NCR3LG1: variants seen among roughly 807,000 people sequenced by gnomAD.
NCR3LG1 encodes the protein natural killer cell cytotoxicity receptor 3 ligand 1.
A neutral mutation model predicts 34.8 loss-of-function variants in NCR3LG1; 35 were observed. The ratio of observed to expected loss-of-function variants is 1.01; its 90% CI spans 0.77 to 1.33. The LOEUF is 1.33. Among genes scored for constraint, NCR3LG1 ranks in the 40% most tolerant of loss-of-function variants. The probability of loss-of-function intolerance (pLI) is 0.00; values close to 1 mark genes in which losing one functional copy is unlikely to be tolerated. For missense variants in NCR3LG1, 452 were observed against 423.3 expected, an observed-to-expected ratio of 1.07 and a Z score of -0.60; for synonymous variants, 173 against 163.6, an observed-to-expected ratio of 1.06 and a Z score of -0.44.
At chr11:17,380,349 G>C (rs921298131), downstream of NCR3LG1, among the ~76,000 whole-genome samples, 10 of 152,122 alleles carry the variant, frequency 6.6e-5, no homozygotes, top group Non-Finnish European at 1.5e-4. Flanking sequence ...GAGGGTGTGG[G>C]TGTGAGCATG....
chr11:17,361,673 C>T (rs1953271190), intron 2 of NCR3LG1, among the ~76,000 whole-genome samples: 1 of 152,180 alleles, frequency 6.6e-6, no homozygotes, highest in African/African-American at 2.4e-5. Context: ...ACTTTGTATC[C>T]TGCAACTTGC....
rs1465046784 is a variant in NCR3LG1 at position 17,367,174 on chromosome 11, C to T, written c.587C>T (p.Thr196Ile). 6.5e-7 allele frequency: 1 copy of T among 1,536,648 alleles called. No individual in the cohort carries two copies. Among genetic ancestry groups the T allele is most frequent in the South Asian group, 1.2e-5 (1 of 84,066 alleles). The change falls in exon 3 of 5, where the codon ACT becomes ATT. Residue 196 changes from threonine to isoleucine, a missense_variant. By Grantham distance (89) the Thr-to-Ile change is moderately conservative. Coordinates refer to ENST00000338965, the MANE Select transcript of NCR3LG1 (RefSeq NM_001202439.3). ...ATAGAGATTTCTGAGGATGTCATCA[C>T]TGGTCCCACCATCAAGAATATGGAT... The part of the protein sequence containing the change: ...HPIEISEDVI[T>I]GPTIKNMDGT...
chr11:17,378,768 G>T (rs141659454), downstream of NCR3LG1, among the ~76,000 whole-genome samples: 2 of 152,302 alleles, frequency 1.3e-5, no homozygotes, highest in East Asian at 3.9e-4. Context: ...CAAAAGAACA[G>T]CTTGAAAAAT....
chr11:17,380,982 T>G (rs1373971881), downstream of NCR3LG1: 2 of 152,222 alleles, frequency 1.3e-5, no homozygotes, highest in Non-Finnish European at 2.9e-5. Context: ...CTACATTATT[T>G]TATTTAAAGT....
rs752073348 is a variant in NCR3LG1 at position 17,372,201 on chromosome 11, G to C, written c.1054G>C (p.Asp352His). Residue 352 changes from aspartate (D) to histidine (H), a missense_variant, in exon 5 of 5, where the codon GAT becomes CAT. Coordinates refer to ENST00000338965, the MANE Select transcript of NCR3LG1 (RefSeq NM_001202439.3). Reference sequence around the variant, plus strand: ...TAATATTAATACTATTCAACAACTAGATGTTTTCTGCAGACAGGAGGGCAA... The same window carrying C: ...TAATATTAATACTATTCAACAACTACATGTTTTCTGCAGACAGGAGGGCAA... ...SVNINTIQQL[D>H]VFCRQEGKWS... 12 of 702,888 alleles carry C rather than the reference G, an allele frequency of 1.7e-5. No homozygotes were observed. The highest frequency in any genetic ancestry group is 3.1e-5 in the Non-Finnish European group (12 of 385,014). 43.5% of individuals were successfully genotyped at this position (702,888 alleles called of 1,614,324 possible). A position where few individuals can be genotyped will look rare whatever the true frequency, so the allele number is the denominator to read the frequency against.
intron 2 of NCR3LG1, among the ~76,000 whole-genome samples, chr11:17,362,813 T>C (rs1414209998): frequency 1.3e-5 from 2 of 148,876 alleles, no homozygotes; most frequent in Admixed American, 6.7e-5. Context: ...TTTCTTTCTT[T>C]CTTTCTTCCT....
chr11:17,355,951 C>G (rs1405902097), intron 1 of NCR3LG1, among the ~76,000 whole-genome samples: 1 of 151,984 alleles, frequency 6.6e-6, no homozygotes, highest in Non-Finnish European at 1.5e-5. Context: ...GTGCTAACCA[C>G]CATGCTGGGC....
chr11:17,376,500 C>G lies in NCR3LG1; in HGVS notation c.*3988C>G, dbSNP rs118096785. ...TGCTGGGTCTGTCCTGAGCGGTTTG[C>G]TCAGTTCAGTAACACTAAGGAACCT... On this transcript the variant is annotated 3_prime_UTR_variant, in exon 5 of 5. Coordinates refer to ENST00000338965, the MANE Select transcript of NCR3LG1 (RefSeq NM_001202439.3). The G allele has an allele frequency of 0.06, 9,081 of 152,284 alleles. 288 individuals are homozygous for G. Among genetic ancestry groups the G allele is most frequent in the Middle Eastern group, 0.1 (30 of 294 alleles). The allele number at this position is 152,284 out of a possible 1,614,324, so 9.4% of individuals were successfully genotyped here.
Position 17,372,536 on chromosome 11 carries a change from T to G in NCR3LG1, c.*24T>G. 1 of 665,320 alleles carries G rather than the reference T, an allele frequency of 1.5e-6. No individual in the cohort carries two copies. The highest frequency in any genetic ancestry group is 1.6e-5 in the South Asian group (1 of 61,122). The allele number at this position is 665,320 out of a possible 1,614,324, so 41.2% of individuals were successfully genotyped here. ...AAATGCCTGATGGACCTGGTGCCAC[T>G]AGGGTCCAAGTTCCCTTTTCATTAC... On this transcript the variant is annotated 3_prime_UTR_variant, in exon 5 of 5. Coordinates refer to ENST00000338965, the MANE Select transcript of NCR3LG1 (RefSeq NM_001202439.3).
At chr11:17,361,962 C>G (rs1254510014) in intron 2 of NCR3LG1, among the ~76,000 whole-genome samples, 1 of 152,214 alleles carries the variant, frequency 6.6e-6, no homozygotes, top group Admixed American at 6.5e-5. Context: ...TTCTTCCATT[C>G]TAACTTTATA....
Position 17,367,347 on chromosome 11 carries a change from G to C in NCR3LG1, c.760G>C (p.Glu254Gln). ...TLTAARHSLSETEKTDNFSIH... is the reference protein window; with the variant it reads ...TLTAARHSLSQTEKTDNFSIH... ...GACTGCTGCTCGGCACAGTCTTTCT[G>C]GTAAGGGTCTTTCTGGACATTTCTT... Residue 254 changes from glutamate to glutamine, a missense_variant and splice_region_variant, in exon 3 of 5, where the codon GAA (glutamate) becomes CAA (glutamine). Coordinates refer to ENST00000338965, the MANE Select transcript of NCR3LG1 (RefSeq NM_001202439.3). 6.5e-7 allele frequency: 1 copy of C among 1,529,862 alleles called. No homozygotes were observed. Among genetic ancestry groups the C allele is most frequent in the African/African-American group, 1.4e-5 (1 of 72,960 alleles). The allele number at this position is 1,529,862 out of a possible 1,614,324, so 94.8% of individuals were successfully genotyped here.
In NCR3LG1 at chr11:17,374,182, T is replaced by A. The variant is rs901125064; in HGVS notation, c.*1670T>A. ...CTGTGATTACGATTCATCCAGTAGA[T>A]CCCAGTCCCTATACTTTGCTAACTC... On this transcript the variant is annotated 3_prime_UTR_variant, in exon 5 of 5. Coordinates refer to ENST00000338965, the MANE Select transcript of NCR3LG1 (RefSeq NM_001202439.3). 1.3e-5 allele frequency: 2 copies of A among 152,180 alleles called. No homozygotes were observed. Among genetic ancestry groups the A allele is most frequent in the Non-Finnish European group, 1.5e-5 (1 of 68,034 alleles). The allele number at this position is 152,180 out of a possible 1,614,324, so 9.4% of individuals were successfully genotyped here. A position where few individuals can be genotyped will look rare whatever the true frequency, so the allele number is the denominator to read the frequency against.
intron 4 of NCR3LG1, among the ~76,000 whole-genome samples, chr11:17,371,692 C>A (rs970832565): frequency 1.3e-5 from 2 of 152,146 alleles, no homozygotes; most frequent in African/African-American, 4.8e-5. Flanking sequence ...AGGGTCTTGC[C>A]CCAATCCAAC....
rs1360757024 is a variant in NCR3LG1 at position 17,372,369 on chromosome 11, C to T, written c.1222C>T (p.Gln408Ter). The change falls in exon 5 of 5, where the codon CAA becomes TAA. Residue 408 changes from glutamine to a stop codon, truncating the protein, a stop_gained. Coordinates refer to ENST00000338965, the MANE Select transcript of NCR3LG1 (RefSeq NM_001202439.3). LOFTEE classifies it high-confidence loss of function. ...IDDNSTKSEK[Q>*]TPREHSDAVP... ...TGATAATTCCACAAAGTCTGAGAAA[C>T]AAACCCCTAGGGAACACTCGGATGC... The T allele has an allele frequency of 4.3e-6, 3 of 702,960 alleles. No homozygotes were observed. In the African/African-American group the frequency reaches 5.2e-5, roughly 12 times the overall value. 43.5% of individuals were successfully genotyped at this position (702,960 alleles called of 1,614,324 possible).
chr11:17,367,231 T>A lies in NCR3LG1; in HGVS notation c.644T>A (p.Leu215Gln). 4.6e-6 allele frequency: 7 copies of A among 1,536,418 alleles called. No homozygotes were observed. Among genetic ancestry groups the A allele is most frequent in the Non-Finnish European group, 6.1e-6 (7 of 1,146,980 alleles). Reference sequence around the variant, plus strand: ...TTTAATGTCACTAGCTGCTTGAAGCTGAACTCCTCTCAGGAAGACCCTGGG... The same window carrying A: ...TTTAATGTCACTAGCTGCTTGAAGCAGAACTCCTCTCAGGAAGACCCTGGG... Reference protein sequence around the residue: ...GTFNVTSCLKLNSSQEDPGTV... With the variant: ...GTFNVTSCLKQNSSQEDPGTV... Residue 215 changes from leucine to glutamine, a missense_variant, in exon 3 of 5, where the codon CTG becomes CAG. By Grantham distance (113) the Leu-to-Gln change is moderately radical. Coordinates refer to ENST00000338965, the MANE Select transcript of NCR3LG1 (RefSeq NM_001202439.3).
chr11:17,353,735 G>C (rs1262134512), intron 1 of NCR3LG1, among the ~76,000 whole-genome samples: 1 of 152,250 alleles, frequency 6.6e-6, no homozygotes, highest in Non-Finnish European at 1.5e-5. Context: ...AGCAGCTCCT[G>C]GAGGAAGCTA....
chr11:17,370,077 G>A (rs1001110227), intron 4 of NCR3LG1, among the ~76,000 whole-genome samples: 1 of 152,160 alleles, frequency 6.6e-6, no homozygotes, highest in African/African-American at 2.4e-5. Context: ...CACAGTAAGG[G>A]GAACAAAGCC....
chr11:17,359,917 C>G lies in NCR3LG1; in HGVS notation c.421+2916C>G, dbSNP rs551141762. On this transcript the variant is annotated intron_variant, in intron 2 of 4. Transcript: ENST00000338965. ...GGACATCTTTTCATATTCTTACTTG[C>G]CATTCGTATGTCTTCTTTTTTTGTG... is the stretch of plus-strand genomic sequence containing the variant. 1.2e-4 allele frequency among the ~76,000 whole-genome samples: 18 copies of G among 151,866 alleles called. No homozygotes were observed. In the South Asian group the frequency reaches 3.8e-3, roughly 32 times the overall value.
At position 17,372,476 on chromosome 11, in the gene NCR3LG1, C is replaced by T. The variant is rs1260895305; in HGVS notation, c.1329C>T (p.Ser443=). Residue 443 remains serine (S), a synonymous_variant, in exon 5 of 5, where the codon TCC becomes TCT. Coordinates refer to ENST00000338965, the MANE Select transcript of NCR3LG1 (RefSeq NM_001202439.3). ...CAACATCAACAACTCCAGTTCTATC[C>T]TCCCAACCCCCAACTTTACTGTTAC... is the stretch of plus-strand genomic sequence containing the variant. The part of the protein sequence containing the change: ...PATTSTTPVL[S]SQPPTLLLPL... 1 of 702,042 alleles carries T rather than the reference C, an allele frequency of 1.4e-6. No individual in the cohort carries two copies. Among genetic ancestry groups the T allele is most frequent in the East Asian group, 2.7e-5 (1 of 37,276 alleles). The allele number at this position is 702,042 out of a possible 1,614,324, so 43.5% of individuals were successfully genotyped here.
Sources: gnomAD v4.1 joint callset for allele counts (sites outside exome capture counted in the v4.1 genomes callset) on GRCh38, gnomAD v4.1.1 for gene constraint, MANE v1.5 for transcripts, NCBI Gene and HGNC (gene_info 2026-07-23, HGNC 2026-07-21) for gene names.